Variants in FOXO1 observed in about 807,000 individuals in gnomAD.
FOXO1 encodes forkhead box O1.
A neutral mutation model predicts 44.1 loss-of-function variants in FOXO1; 6 were observed. The observed-to-expected ratio is 0.14, with a 90% CI of 0.07 to 0.27. FOXO1 has a LOEUF of 0.27. Among genes scored for constraint, FOXO1 ranks in the 10% least tolerant of loss-of-function variants. The pLI is 1.00. For synonymous variants in FOXO1, 380 were observed against 362.7 expected (o/e 1.05, Z -0.54); for missense variants, 737 against 888.8 (o/e 0.83, Z 2.17).
intron 1 of FOXO1, among the ~76,000 whole-genome samples, chr13:40,608,445 T>C (rs531572517): frequency 1.3e-5 from 2 of 152,302 alleles, no homozygotes; most frequent in Non-Finnish European, 2.9e-5. Flanking sequence ...GCAGGGAATC[T>C]CATACATGTG....
intron 1 of FOXO1, among the ~76,000 whole-genome samples, chr13:40,564,994 A>AGTCGGGGAAC: frequency 6.6e-6 from 1 of 152,080 alleles, no homozygotes. Context: ...GACATGGTGT[A>AGTCGGGGAAC]CTTGCTTGTT....
chr13:40,652,168 T>A (rs1877706878), intron 1 of FOXO1, among the ~76,000 whole-genome samples: 1 of 152,102 alleles, frequency 6.6e-6, no homozygotes. Flanking sequence ...AGAGAGAGAG[T>A]TCTGCTGCAA....
chr13:40,650,619 C>T (rs1291069569), intron 1 of FOXO1, among the ~76,000 whole-genome samples: 2 of 152,224 alleles, frequency 1.3e-5, no homozygotes, highest in Non-Finnish European at 2.9e-5. Flanking sequence ...AGCACAGGGA[C>T]AGGCCGATTC....
At chr13:40,573,650 C>A (rs887576623) in intron 1 of FOXO1, among the ~76,000 whole-genome samples, 1 of 152,116 alleles carries the variant, frequency 6.6e-6, no homozygotes, top group African/African-American at 2.4e-5. Flanking sequence ...TGTTGTCATA[C>A]GTTAAGACAA....
intron 1 of FOXO1, among the ~76,000 whole-genome samples, chr13:40,654,935 T>C (rs1246974221): frequency 2.6e-5 from 4 of 152,070 alleles, no homozygotes; most frequent in Non-Finnish European, 4.4e-5. Flanking sequence ...AGAACCAAGA[T>C]GAGAATGAAG....
intron 1 of FOXO1, among the ~76,000 whole-genome samples, chr13:40,626,265 T>C (rs777660516): frequency 2.0e-4 from 31 of 152,242 alleles, no homozygotes; most frequent in Non-Finnish European, 3.5e-4. Context: ...TCTCAAAACA[T>C]TGTAAAAGCT....
intron 1 of FOXO1, among the ~76,000 whole-genome samples, chr13:40,575,160 T>A (rs1430046475): frequency 6.6e-6 from 1 of 150,988 alleles, no homozygotes; most frequent in Non-Finnish European, 1.5e-5. Flanking sequence ...AATGAGACCA[T>A]CCTGTCTCTA....
intron 1 of FOXO1, among the ~76,000 whole-genome samples, chr13:40,616,204 T>G (rs1876416998): frequency 6.6e-6 from 1 of 152,022 alleles, no homozygotes; most frequent in Admixed American, 6.6e-5. Flanking sequence ...GAATATTTAC[T>G]CAAAATGAAA....
chr13:40,648,376 G>A (rs1420643151), intron 1 of FOXO1, among the ~76,000 whole-genome samples: 2 of 152,118 alleles, frequency 1.3e-5, no homozygotes, highest in Non-Finnish European at 2.9e-5. Context: ...TTTCCACCAT[G>A]TATACTTAGA....
chr13:40,666,405 C>A lies in FOXO1; in HGVS notation c.-193G>T. The A allele has an allele frequency of 2.3e-6, 1 of 441,586 alleles. No individual in the cohort carries two copies. The allele number at this position is 441,586 out of a possible 1,614,324, so 27.4% of individuals were successfully genotyped here. A position where few individuals can be genotyped will look rare whatever the true frequency, so the allele number is the denominator to read the frequency against. On this transcript the variant is annotated 5_prime_UTR_variant, in exon 1 of 3. Coordinates refer to ENST00000379561, the MANE Select transcript of FOXO1 (RefSeq NM_002015.4). Reference sequence around the variant, plus strand: ...GAGCCCAGAACTTAACTTCGCGGGGCCATCCACATCGAGGCTCCTCGGGGT... The same window carrying A: ...GAGCCCAGAACTTAACTTCGCGGGGACATCCACATCGAGGCTCCTCGGGGT...
Position 40,560,622 on chromosome 13 carries a change from G to A in FOXO1, c.869C>T (p.Ser290Leu). The A allele has an allele frequency of 6.2e-7, 1 of 1,614,202 alleles. No homozygotes were observed. Among genetic ancestry groups the A allele is most frequent in the Non-Finnish European group, 8.5e-7 (1 of 1,180,042 alleles). The change falls in exon 2 of 3, where the codon TCA becomes TTA. Residue 290 changes from serine (S) to leucine (L), a missense_variant. Transcript: ENST00000379561. The surrounding 1 kb of genome is among the most constrained non-coding windows in gnomAD (Gnocchi z 5.1). ...GCTTGCAGGCCATTTGGAAAACTGT[G>A]ATCCAGGGCTGTCCCCAGCACCCTC... Reference protein sequence around the residue: ...GQEGAGDSPGSQFSKWPASPG... With the variant: ...GQEGAGDSPGLQFSKWPASPG...
rs1358722734 is a variant in FOXO1, at chr13:40,556,758, A to T, written c.*2291T>A. On this transcript the variant is annotated 3_prime_UTR_variant, in exon 3 of 3. Coordinates refer to ENST00000379561, the MANE Select transcript of FOXO1 (RefSeq NM_002015.4). ...ATATTTTCCTAAGAGCTACTCCATG[A>T]AGTAGTAAGATTTTAACAGTGATTT... 1 of 152,170 alleles carries T rather than the reference A, an allele frequency of 6.6e-6. No individual in the cohort carries two copies. Among genetic ancestry groups the T allele is most frequent in the Non-Finnish European group, 1.5e-5 (1 of 68,018 alleles). 9.4% of individuals were successfully genotyped at this position (152,170 alleles called of 1,614,324 possible). A position where few individuals can be genotyped will look rare whatever the true frequency, so the allele number is the denominator to read the frequency against.
At chr13:40,641,982 T>C (rs1332091788) in intron 1 of FOXO1, among the ~76,000 whole-genome samples, 1 of 152,026 alleles carries the variant, frequency 6.6e-6, no homozygotes, top group Non-Finnish European at 1.5e-5. Flanking sequence ...CAATACTCCA[T>C]CTCAAAAAAT....
intron 1 of FOXO1, among the ~76,000 whole-genome samples, chr13:40,629,490 A>G (rs1593406935): frequency 6.6e-6 from 1 of 152,228 alleles, no homozygotes; most frequent in Non-Finnish European, 1.5e-5. Context: ...CTCTAGAGGT[A>G]TATCAAGTGC....
At chr13:40,664,477 C>A (rs555176107) in intron 1 of FOXO1, among the ~76,000 whole-genome samples, 1 of 152,154 alleles carries the variant, frequency 6.6e-6, no homozygotes, top group East Asian at 1.9e-4. Flanking sequence ...CCTGGCCACG[C>A]TCTGAAAGGC....
At chr13:40,615,303 G>T (rs1259142155) in intron 1 of FOXO1, among the ~76,000 whole-genome samples, 2 of 152,144 alleles carry the variant, frequency 1.3e-5, no homozygotes, top group Non-Finnish European at 2.9e-5. Context: ...CTGGGAGGCC[G>T]AGGCAGGCGG....
chr13:40,620,360 T>C (rs1410477310), intron 1 of FOXO1: 3 of 730,128 alleles, frequency 4.1e-6, no homozygotes, highest in Non-Finnish European at 7.3e-6. Flanking sequence ...GCCGAATCAT[T>C]TCTCGTTTAG....
At chr13:40,570,121 G>A (rs1453337747) in intron 1 of FOXO1, among the ~76,000 whole-genome samples, 1 of 152,008 alleles carries the variant, frequency 6.6e-6, no homozygotes, top group Admixed American at 6.6e-5. Flanking sequence ...AGACCATCCT[G>A]GCCAACATGG....
intron 1 of FOXO1, among the ~76,000 whole-genome samples, chr13:40,576,263 G>A (rs1194886749): frequency 6.6e-6 from 1 of 152,020 alleles, no homozygotes; most frequent in African/African-American, 2.4e-5. Flanking sequence ...CGGTGGGTGG[G>A]GCCTTAACAC....
Sources: gnomAD v4.1 joint callset for allele counts (sites outside exome capture counted in the v4.1 genomes callset) on GRCh38, gnomAD v4.1.1 for gene constraint, Gnocchi (gnomAD v3.1) non-coding constraint, MANE v1.5 for transcripts, NCBI Gene and HGNC (gene_info 2026-07-23, HGNC 2026-07-21) for gene names.